The following PRR16 variants were observed in gnomAD, a reference collection of about 807,000 sequenced individuals.
The protein encoded by PRR16 is protein Largen.
Under a neutral mutation model 18.2 loss-of-function variants are expected in PRR16, and 6 were observed. That is an observed-to-expected ratio of 0.33 (90% CI 0.18 to 0.65). The LOEUF (loss-of-function observed/expected upper bound fraction) is 0.65, where lower values mean the gene tolerates loss of function less well. Ranked by LOEUF, PRR16 falls within the 30% of genes least tolerant of loss-of-function variation. PRR16 has a pLI of 0.74. For missense variants in PRR16, 412 were observed against 376.6 expected, an observed-to-expected ratio of 1.09 and a Z score of -0.78; for synonymous variants, 151 against 147.8, an observed-to-expected ratio of 1.02 and a Z score of -0.16.
the PRR16 span, among the ~76,000 whole-genome samples, chr5:120,698,637 G>T: frequency 6.6e-6 from 1 of 152,006 alleles, no homozygotes; most frequent in Non-Finnish European, 1.5e-5. Context: ...TCTGGAATGA[G>T]ACTGGGGCCT....
chr5:120,776,811 T>A, the PRR16 span, among the ~76,000 whole-genome samples: 316 of 145,276 alleles, frequency 2.2e-3, 1 homozygote, highest in African/African-American at 7.3e-3. Context: ...GTAAAATACA[T>A]ATGTATTAAT....
intron 1 of PRR16, among the ~76,000 whole-genome samples, chr5:120,667,417 A>T (rs937393052): frequency 6.6e-6 from 1 of 152,070 alleles, no homozygotes; most frequent in African/African-American, 2.4e-5. Flanking sequence ...TCCTGGATTC[A>T]TTAATTTTTT....
At chr5:120,759,471 G>C in the PRR16 span, among the ~76,000 whole-genome samples, 2 of 151,984 alleles carry the variant, frequency 1.3e-5, no homozygotes, top group Admixed American at 1.3e-4. Context: ...ATATGAAAAA[G>C]CAGAAAATAT....
At chr5:120,498,309 T>A (rs937537173) in intron 1 of PRR16, among the ~76,000 whole-genome samples, 15 of 148,992 alleles carry the variant, frequency 1.0e-4, no homozygotes, top group African/African-American at 3.7e-4. Flanking sequence ...AAAATACCTA[T>A]GTTATATATA....
At chr5:120,621,474 A>C (rs1171799131) in intron 1 of PRR16, among the ~76,000 whole-genome samples, 1 of 152,118 alleles carries the variant, frequency 6.6e-6, no homozygotes, top group African/African-American at 2.4e-5. Flanking sequence ...GTACTCTACT[A>C]TACAAGCTGT....
intron 1 of PRR16, among the ~76,000 whole-genome samples, chr5:120,514,552 T>C (rs1173188631): frequency 2.0e-5 from 3 of 152,242 alleles, no homozygotes; most frequent in Admixed American, 6.5e-5. Flanking sequence ...CCTTGAATAC[T>C]TTGCTGCTTA....
At chr5:120,581,170 A>G (rs1183866271) in intron 1 of PRR16, among the ~76,000 whole-genome samples, 1 of 152,132 alleles carries the variant, frequency 6.6e-6, no homozygotes, top group Non-Finnish European at 1.5e-5. Flanking sequence ...TTTGGTTGGT[A>G]GGCTATTAAT....
intron 1 of PRR16, among the ~76,000 whole-genome samples, chr5:120,680,861 C>A (rs574797351): frequency 2.4e-4 from 36 of 152,232 alleles, no homozygotes; most frequent in African/African-American, 7.7e-4. Flanking sequence ...ACTTCATAAT[C>A]TTTTTTCCAC....
intron 1 of PRR16, among the ~76,000 whole-genome samples, chr5:120,654,377 C>G (rs768922338): frequency 1.4e-4 from 21 of 151,952 alleles, no homozygotes; most frequent in Non-Finnish European, 2.5e-4. Flanking sequence ...GCATAGGAAA[C>G]TAGATAATGG....
At chr5:120,680,803 T>A (rs914520190) in intron 1 of PRR16, among the ~76,000 whole-genome samples, 1 of 152,198 alleles carries the variant, frequency 6.6e-6, no homozygotes, top group Non-Finnish European at 1.5e-5. Flanking sequence ...AGACTGAGTG[T>A]GTGGTTTTTA....
chr5:120,693,805 TC>T, the PRR16 span, among the ~76,000 whole-genome samples: 1 of 152,220 alleles, frequency 6.6e-6, no homozygotes, highest in South Asian at 2.1e-4. Context: ...AAACTTCAAT[TC>T]TTTCTCAACT....
At chr5:120,695,718 A>G in the PRR16 span, among the ~76,000 whole-genome samples, 2 of 152,030 alleles carry the variant, frequency 1.3e-5, no homozygotes, top group Non-Finnish European at 2.9e-5. Flanking sequence ...TATCTTAATA[A>G]TCTCCCAATC....
intron 1 of PRR16, among the ~76,000 whole-genome samples, chr5:120,607,170 A>G (rs1255210581): frequency 1.3e-5 from 2 of 152,248 alleles, no homozygotes; most frequent in Non-Finnish European, 2.9e-5. Flanking sequence ...TATTTGAGAC[A>G]GTAAAATGTA....
At chr5:120,748,370 T>A in the PRR16 span, among the ~76,000 whole-genome samples, 1 of 152,134 alleles carries the variant, frequency 6.6e-6, no homozygotes, top group Non-Finnish European at 1.5e-5. Flanking sequence ...TATCACATAT[T>A]TTCCTTACAC....
chr5:120,599,652 C>T (rs1025885052), intron 1 of PRR16, among the ~76,000 whole-genome samples: 38 of 151,830 alleles, frequency 2.5e-4, no homozygotes, highest in African/African-American at 8.2e-4. Context: ...CATTCAATTT[C>T]TTAACATGTA....
chr5:120,630,500 T>C (rs60206692), intron 1 of PRR16, among the ~76,000 whole-genome samples: 6,903 of 152,208 alleles, frequency 0.045, 426 homozygotes, highest in African/African-American at 0.13. Context: ...CTGGAGATGA[T>C]TGCCAAGATG....
intron 1 of PRR16, among the ~76,000 whole-genome samples, chr5:120,680,926 C>G (rs921708947): frequency 3.9e-5 from 6 of 152,074 alleles, no homozygotes; most frequent in African/African-American, 1.4e-4. Flanking sequence ...TTTATTTATT[C>G]ACCTAAGTTG....
intron 1 of PRR16, among the ~76,000 whole-genome samples, chr5:120,512,226 C>T (rs1429006649): frequency 6.6e-6 from 1 of 152,210 alleles, no homozygotes. Context: ...ATCTCCTTCC[C>T]TCCCCCACCT....
chr5:120,789,607 G>A, the PRR16 span, among the ~76,000 whole-genome samples: 2 of 151,946 alleles, frequency 1.3e-5, no homozygotes, highest in African/African-American at 4.8e-5. Flanking sequence ...CTACCTCAAT[G>A]GAAAAGCATT....
Sources: gnomAD v4.1 joint callset for allele counts (sites outside exome capture counted in the v4.1 genomes callset) on GRCh38, gnomAD v4.1.1 for gene constraint, MANE v1.5 for transcripts, NCBI Gene and HGNC (gene_info 2026-07-23, HGNC 2026-07-21) for gene names.